The following SLC44A5 variants were observed in gnomAD, a reference collection of about 807,000 sequenced individuals.
SLC44A5 encodes solute carrier family 44 member 5.
In SLC44A5, 57 loss-of-function variants were observed where a neutral mutation model predicts 101.8. The observed-to-expected ratio is 0.56, with a 90% CI of 0.45 to 0.70. SLC44A5 has a LOEUF of 0.70. Ranked by LOEUF, SLC44A5 falls within the 30% of genes least tolerant of loss-of-function variation. The probability of loss-of-function intolerance (pLI) is 0.00; values close to 1 mark genes in which losing one functional copy is unlikely to be tolerated. For missense variants in SLC44A5, 737 were observed against 853.1 expected (o/e 0.86, Z 1.70); for synonymous variants, 281 against 290.9 (o/e 0.97, Z 0.35).
chr1:75,274,043 A>G (rs751455601), intron 6 of SLC44A5, among the ~76,000 whole-genome samples: 4 of 152,084 alleles, frequency 2.6e-5, no homozygotes, highest in Non-Finnish European at 5.9e-5. Context: ...CTGAGCATCT[A>G]TTCTTAAAAT....
At chr1:75,628,994 A>G in the SLC44A5 span, among the ~76,000 whole-genome samples, 4 of 152,194 alleles carry the variant, frequency 2.6e-5, no homozygotes, top group African/African-American at 9.6e-5. Context: ...CCCTTTTGGC[A>G]TCTTCCAGCT....
At chr1:75,291,358 CT>C (rs1236804646) in intron 5 of SLC44A5, among the ~76,000 whole-genome samples, 2 of 152,092 alleles carry the variant, frequency 1.3e-5, no homozygotes, top group Non-Finnish European at 2.9e-5. Flanking sequence ...GTTTAAAGTG[CT>C]TCCTCTGTGT....
chr1:75,615,452 C>T (rs866480254), upstream of SLC44A5, among the ~76,000 whole-genome samples: 6 of 131,954 alleles, frequency 4.5e-5, no homozygotes, highest in East Asian at 4.9e-4. Flanking sequence ...CACACACACA[C>T]ACACACACAC....
chr1:75,426,677 A>G (rs1225547651), intron 2 of SLC44A5, among the ~76,000 whole-genome samples: 2 of 152,218 alleles, frequency 1.3e-5, no homozygotes, highest in African/African-American at 4.8e-5. Context: ...TCCCACTGTA[A>G]AACTTAAAAA....
chr1:75,715,935 A>C, the SLC44A5 span, among the ~76,000 whole-genome samples: 298 of 152,316 alleles, frequency 2.0e-3, no homozygotes, highest in African/African-American at 6.8e-3. Flanking sequence ...AATATCTAGA[A>C]TCTATAAGGA....
chr1:75,621,089 G>A, the SLC44A5 span, among the ~76,000 whole-genome samples: 1 of 152,142 alleles, frequency 6.6e-6, no homozygotes, highest in South Asian at 2.1e-4. Context: ...CCATCAATGA[G>A]AATGATCACA....
chr1:75,490,921 C>G (rs1401754276), intron 2 of SLC44A5, among the ~76,000 whole-genome samples: 4 of 151,692 alleles, frequency 2.6e-5, no homozygotes, highest in African/African-American at 9.7e-5. Context: ...GCAAGTAAAT[C>G]TACTTTTTTA....
intron 6 of SLC44A5, among the ~76,000 whole-genome samples, chr1:75,256,136 G>T (rs2100667427): frequency 6.6e-6 from 1 of 152,194 alleles, no homozygotes; most frequent in South Asian, 2.1e-4. Context: ...AAAGTTAACT[G>T]GGCATTCTGT....
intron 7 of SLC44A5, among the ~76,000 whole-genome samples, chr1:75,245,795 C>T (rs1048228360): frequency 2.0e-5 from 3 of 152,136 alleles, no homozygotes; most frequent in South Asian, 4.1e-4. Context: ...AATACAACTG[C>T]ACTTTACTTT....
intron 2 of SLC44A5, among the ~76,000 whole-genome samples, chr1:75,432,812 A>G (rs1664688308): frequency 6.6e-6 from 1 of 152,210 alleles, no homozygotes; most frequent in African/African-American, 2.4e-5. Context: ...ATGCTGTGTC[A>G]TAAACAATTA....
the SLC44A5 span, among the ~76,000 whole-genome samples, chr1:75,693,060 A>C: frequency 3.9e-5 from 6 of 152,236 alleles, no homozygotes; most frequent in Non-Finnish European, 7.3e-5. Flanking sequence ...GAAGGGGTAA[A>C]TAGAGTAAAG....
chr1:75,472,448 A>G (rs1667164761), intron 2 of SLC44A5, among the ~76,000 whole-genome samples: 1 of 152,172 alleles, frequency 6.6e-6, no homozygotes, highest in South Asian at 2.1e-4. Context: ...CTCTCCTACT[A>G]TCATTCTTAC....
the SLC44A5 span, chr1:75,642,047 G>A: frequency 7.3e-7 from 1 of 1,374,794 alleles, no homozygotes; most frequent in African/African-American, 1.4e-5. Context: ...ATTTATTTCT[G>A]TGTCTTCTGG....
At chr1:75,681,451 A>G in the SLC44A5 span, among the ~76,000 whole-genome samples, 2 of 151,610 alleles carry the variant, frequency 1.3e-5, no homozygotes, top group Non-Finnish European at 2.9e-5. Context: ...GGCTGGTTCA[A>G]TATATGCAAA....
intron 4 of SLC44A5, among the ~76,000 whole-genome samples, chr1:75,322,994 GGTTA>G (rs1656287806): frequency 6.6e-6 from 1 of 151,480 alleles, no homozygotes; most frequent in Non-Finnish European, 1.5e-5. Context: ...ACATTGTGCA[GGTTA>G]GTTACATATG....
chr1:75,681,843 G>A, the SLC44A5 span, among the ~76,000 whole-genome samples: 21 of 152,126 alleles, frequency 1.4e-4, no homozygotes, highest in African/African-American at 4.8e-4. Flanking sequence ...TGACATGATT[G>A]CATATCTAGA....
chr1:75,476,156 C>A (rs886577285), intron 2 of SLC44A5, among the ~76,000 whole-genome samples: 9 of 151,732 alleles, frequency 5.9e-5, no homozygotes, highest in South Asian at 2.1e-4. Context: ...GCACTCCAGC[C>A]TGGGAGACAG....
chr1:75,677,304 T>C, the SLC44A5 span, among the ~76,000 whole-genome samples: 2 of 152,146 alleles, frequency 1.3e-5, no homozygotes, highest in African/African-American at 4.8e-5. Flanking sequence ...AAGACATAGA[T>C]AGTATAATAA....
intron 4 of SLC44A5, among the ~76,000 whole-genome samples, chr1:75,315,414 T>G (rs1333925056): frequency 6.6e-6 from 1 of 152,156 alleles, no homozygotes; most frequent in Non-Finnish European, 1.5e-5. Context: ...CACCACAATA[T>G]ATGGTATAAT....
Sources: allele counts gnomAD v4.1 joint callset (sites outside exome capture counted in the v4.1 genomes callset), GRCh38; gene constraint gnomAD v4.1.1; transcripts MANE v1.5; gene names NCBI Gene and HGNC (gene_info 2026-07-23, HGNC 2026-07-21).